Variants in TIAM1 observed in about 807,000 individuals in gnomAD.
The protein encoded by TIAM1 is TIAM Rac1 associated GEF 1.
TIAM1 carries 65 observed loss-of-function variants against 163.5 expected under a neutral mutation model. The observed-to-expected ratio is 0.40, with a 90% CI of 0.33 to 0.49. The LOEUF is 0.49. Among genes scored for constraint, TIAM1 ranks in the 20% least tolerant of loss-of-function variants. The pLI is 0.77. For missense variants in TIAM1, 1,789 were observed against 2,044.7 expected (o/e 0.87, Z 2.41); for synonymous variants, 833 against 810.1 (o/e 1.03, Z -0.48).
chr21:31,489,296 G>GGA (rs1029078064), intron 1 of TIAM1, among the ~76,000 whole-genome samples: 3 of 141,726 alleles, frequency 2.1e-5, no homozygotes, highest in African/African-American at 7.9e-5. Context: ...CTTGAACCCA[G>GGA]GAGTTCAAGG....
chr21:31,370,650 A>G (rs2076582066), intron 2 of TIAM1, among the ~76,000 whole-genome samples: 1 of 152,156 alleles, frequency 6.6e-6, no homozygotes, highest in African/African-American at 2.4e-5. Flanking sequence ...AAGGTTTTCA[A>G]AAAACAATAT....
chr21:31,496,695 T>A (rs1242862211), intron 1 of TIAM1, among the ~76,000 whole-genome samples: 2 of 152,146 alleles, frequency 1.3e-5, no homozygotes, highest in Non-Finnish European at 2.9e-5. Flanking sequence ...CCTAGGCCTT[T>A]ACATTCACTC....
chr21:31,411,097 T>C (rs1044790482), intron 2 of TIAM1, among the ~76,000 whole-genome samples: 2 of 151,822 alleles, frequency 1.3e-5, no homozygotes, highest in Admixed American at 6.6e-5. Context: ...ACCTCAATCA[T>C]AAAAGCACCC....
intron 6 of TIAM1, among the ~76,000 whole-genome samples, chr21:31,226,623 G>A (rs774215849): frequency 1.3e-5 from 2 of 152,112 alleles, no homozygotes; most frequent in African/African-American, 2.4e-5. Context: ...GGTGTGACTC[G>A]GTGTTCTGAA....
intron 15 of TIAM1, 127 bp downstream of exon 15, chr21:31,182,294 T>C (rs1355815200): frequency 2.7e-6 from 2 of 747,984 alleles, no homozygotes; most frequent in Non-Finnish European, 4.0e-6. Context: ...CAGCCCATCT[T>C]GCACACACAT....
intron 2 of TIAM1, among the ~76,000 whole-genome samples, chr21:31,373,159 G>A (rs750699306): frequency 5.9e-5 from 9 of 151,992 alleles, no homozygotes; most frequent in Admixed American, 1.3e-4. Context: ...ATGGTGGCAC[G>A]TGCCTGTGGT....
At chr21:31,234,877 A>C (rs910762165) in intron 6 of TIAM1, among the ~76,000 whole-genome samples, 11 of 152,222 alleles carry the variant, frequency 7.2e-5, no homozygotes, top group African/African-American at 2.7e-4. Flanking sequence ...TAAAGAGAAA[A>C]AAAGAAAATA....
chr21:31,404,224 G>A (rs1944396522), intron 2 of TIAM1, among the ~76,000 whole-genome samples: 1 of 152,040 alleles, frequency 6.6e-6, no homozygotes, highest in Admixed American at 6.6e-5. Context: ...TCCTCCCTCT[G>A]AAAAGGCAAC....
intron 6 of TIAM1, among the ~76,000 whole-genome samples, chr21:31,242,502 G>A (rs763882825): frequency 1.4e-4 from 21 of 152,186 alleles, no homozygotes; most frequent in Admixed American, 9.2e-4. Context: ...CTACAGCTCA[G>A]TGAAAGCAGA....
intron 15 of TIAM1, among the ~76,000 whole-genome samples, chr21:31,174,008 G>C (rs756393061): frequency 2.0e-5 from 3 of 152,192 alleles, no homozygotes; most frequent in Non-Finnish European, 2.9e-5. Flanking sequence ...CGAGGCGCGC[G>C]TGTCTCCAAA....
At chr21:31,189,682 G>A (rs1253147372) in intron 13 of TIAM1, among the ~76,000 whole-genome samples, 1 of 152,062 alleles carries the variant, frequency 6.6e-6, no homozygotes, top group Non-Finnish European at 1.5e-5. Flanking sequence ...CCCTTTCACT[G>A]TTCCAGGTAG....
intron 2 of TIAM1, among the ~76,000 whole-genome samples, chr21:31,324,903 T>G (rs13052140): frequency 0.18 from 27,112 of 152,170 alleles, 2,424 homozygotes; most frequent in Middle Eastern, 0.2. Context: ...GAATACCTAC[T>G]CCATACCAGC....
chr21:31,540,432 A>C (rs925654811), intron 1 of TIAM1, among the ~76,000 whole-genome samples: 1 of 151,840 alleles, frequency 6.6e-6, no homozygotes, highest in Non-Finnish European at 1.5e-5. Flanking sequence ...ATAGTCCTAA[A>C]CACCACTTAT....
intron 1 of TIAM1, among the ~76,000 whole-genome samples, chr21:31,343,489 T>TA (rs1330510913): frequency 3.3e-5 from 5 of 152,100 alleles, no homozygotes; most frequent in African/African-American, 9.6e-5. Context: ...GACAGACATT[T>TA]AAAAAAATGA....
intron 2 of TIAM1, among the ~76,000 whole-genome samples, chr21:31,377,866 G>A (rs2076714276): frequency 6.6e-6 from 1 of 151,812 alleles, no homozygotes; most frequent in South Asian, 2.1e-4. Flanking sequence ...GCCAGGTGCG[G>A]TGGCTCACAC....
chr21:31,337,045 T>A (rs2075863515), intron 2 of TIAM1, among the ~76,000 whole-genome samples: 1 of 152,174 alleles, frequency 6.6e-6, no homozygotes, highest in Admixed American at 6.5e-5. Context: ...ATCAAGAGAC[T>A]AGACTCCATA....
At chr21:31,441,495 A>G (rs568899561) in intron 2 of TIAM1, among the ~76,000 whole-genome samples, 39 of 152,300 alleles carry the variant, frequency 2.6e-4, no homozygotes, top group African/African-American at 9.4e-4. Flanking sequence ...GAATATGGCA[A>G]TGTTGGAAGG....
chr21:31,434,411 C>T (rs1025602671), intron 2 of TIAM1, among the ~76,000 whole-genome samples: 1 of 152,072 alleles, frequency 6.6e-6, no homozygotes, highest in Admixed American at 6.6e-5. Context: ...TCTGTGGTGC[C>T]CTGGAGTTGA....
chr21:31,545,007 C>G (rs182730619), intron 1 of TIAM1, among the ~76,000 whole-genome samples: 1 of 149,370 alleles, frequency 6.7e-6, no homozygotes, highest in Non-Finnish European at 1.5e-5. Context: ...AGTGAGACTC[C>G]GTCTCAAAAA....
Sources: gnomAD v4.1 joint callset for allele counts (sites outside exome capture counted in the v4.1 genomes callset) on GRCh38, gnomAD v4.1.1 for gene constraint, MANE v1.5 for transcripts, NCBI Gene and HGNC (gene_info 2026-07-23, HGNC 2026-07-21) for gene names.